Variants in FMN1 observed in about 807,000 individuals in gnomAD.
FMN1 encodes formin-1.
A neutral mutation model predicts 132.4 loss-of-function variants in FMN1; 110 were observed. The observed-to-expected ratio is 0.83, with a 90% CI of 0.71 to 0.97. The LOEUF (loss-of-function observed/expected upper bound fraction) is 0.97, where lower values mean the gene tolerates loss of function less well. Ranked by LOEUF, FMN1 falls within the 50% of genes least tolerant of loss-of-function variation. The pLI, the probability that FMN1 is intolerant of heterozygous loss-of-function variation, is 0.00. For missense variants in FMN1, 1,792 were observed against 1,705.3 expected (o/e 1.05, Z -0.90); for synonymous variants, 722 against 651.7 (o/e 1.11, Z -1.64).
chr15:33,124,649 T>C (rs770886665), intron 4 of FMN1, among the ~76,000 whole-genome samples: 8 of 152,168 alleles, frequency 5.3e-5, no homozygotes, highest in Admixed American at 2.0e-4. Context: ...ATAATCTGTG[T>C]TCTTTTCAAT....
chr15:33,184,246 G>A (rs1237677972), intron 2 of FMN1, among the ~76,000 whole-genome samples: 1 of 152,104 alleles, frequency 6.6e-6, no homozygotes, highest in Non-Finnish European at 1.5e-5. Context: ...TAGTATTTGA[G>A]ATTTTTAAAA....
intron 9 of FMN1, among the ~76,000 whole-genome samples, chr15:32,933,242 G>A (rs957958697): frequency 3.3e-5 from 5 of 152,076 alleles, no homozygotes; most frequent in Non-Finnish European, 7.4e-5. Flanking sequence ...CCCACTGGTT[G>A]TTCAAAAGTG....
intron 19 of FMN1, among the ~76,000 whole-genome samples, chr15:32,781,378 T>A (rs181771309): frequency 2.0e-5 from 3 of 152,190 alleles, no homozygotes; most frequent in Admixed American, 1.3e-4. Context: ...CATTTAGTAA[T>A]CCCATCTCCC....
intron 3 of FMN1, among the ~76,000 whole-genome samples, chr15:33,161,853 G>T (rs1490542419): frequency 1.3e-5 from 2 of 151,744 alleles, no homozygotes; most frequent in African/African-American, 4.8e-5. Context: ...GGGAGGTGGA[G>T]CTTGCAATGA....
intron 17 of FMN1, among the ~76,000 whole-genome samples, chr15:32,838,923 G>C (rs2058686643): frequency 6.6e-6 from 1 of 152,192 alleles, no homozygotes; most frequent in African/African-American, 2.4e-5. Flanking sequence ...TAGTCCAAAA[G>C]ATGAGTGATG....
At chr15:32,957,668 C>A (rs553111784) in intron 9 of FMN1, among the ~76,000 whole-genome samples, 65 of 152,192 alleles carry the variant, frequency 4.3e-4, no homozygotes, top group Non-Finnish European at 7.8e-4. Context: ...TTAAGAATTT[C>A]TTTCCAAAGC....
At chr15:33,014,372 A>G (rs1239140177) in intron 6 of FMN1, among the ~76,000 whole-genome samples, 1 of 152,190 alleles carries the variant, frequency 6.6e-6, no homozygotes, top group African/African-American at 2.4e-5. Flanking sequence ...GTATTTGTTA[A>G]AAAGAGAACT....
chr15:33,068,944 G>A (rs184957850), intron 5 of FMN1, among the ~76,000 whole-genome samples: 5 of 152,274 alleles, frequency 3.3e-5, no homozygotes, highest in Admixed American at 3.3e-4. Flanking sequence ...TAGAAATCCT[G>A]GCAGCAGCAG....
rs74866279 is a variant in FMN1, at chr15:33,037,199, C to T, written c.2161+27758G>A. On this transcript the variant is annotated intron_variant, in intron 6 of 20. Coordinates refer to ENST00000616417, the MANE Select transcript of FMN1 (RefSeq NM_001277313.2). Reference sequence around the variant, plus strand: ...GGCCAGTCCCAGAGTTTGAGATGATCTGCTAGGACCTCAGACAAACACACT... The same window carrying T: ...GGCCAGTCCCAGAGTTTGAGATGATTTGCTAGGACCTCAGACAAACACACT... Among the ~76,000 whole-genome samples, 251 of 152,328 alleles carry T rather than the reference C, an allele frequency of 1.6e-3. 2 individuals carry two copies. The highest frequency in any genetic ancestry group is 0.013 in the East Asian group (67 of 5,188).
At chr15:32,812,170 C>G (rs1392445204) in intron 17 of FMN1, among the ~76,000 whole-genome samples, 1 of 152,178 alleles carries the variant, frequency 6.6e-6, no homozygotes. Flanking sequence ...TCCCCATATA[C>G]ACATCACCGG....
intron 16 of FMN1, among the ~76,000 whole-genome samples, chr15:32,859,415 C>T (rs16960051): frequency 0.021 from 3,263 of 152,252 alleles, 117 homozygotes; most frequent in African/African-American, 0.075. Context: ...TTTCCAGTTA[C>T]ATTATTCGGC....
At chr15:33,125,273 T>C (rs576850383) in intron 4 of FMN1, among the ~76,000 whole-genome samples, 5 of 152,182 alleles carry the variant, frequency 3.3e-5, no homozygotes, top group Non-Finnish European at 7.3e-5. Context: ...TTGTAAAGTT[T>C]AGAGATAATA....
chr15:32,807,241 A>T (rs2057714080), intron 17 of FMN1, among the ~76,000 whole-genome samples: 1 of 152,170 alleles, frequency 6.6e-6, no homozygotes, highest in Non-Finnish European at 1.5e-5. Flanking sequence ...AGTAAAACTT[A>T]TTTTGTTTTA....
At chr15:32,817,792 G>A (rs112717228) in intron 17 of FMN1, among the ~76,000 whole-genome samples, 4 of 152,316 alleles carry the variant, frequency 2.6e-5, no homozygotes, top group African/African-American at 9.6e-5. Context: ...AGAATTCCAG[G>A]TGGAATCCTC....
At position 32,968,902 on chromosome 15, in the gene FMN1, G is replaced by T; in HGVS notation, c.2799C>A (p.Ser933=). 1 of 716,768 alleles carries T rather than the reference G, an allele frequency of 1.4e-6. No individual in the cohort carries two copies. The highest frequency in any genetic ancestry group is 2.8e-5 in the East Asian group (1 of 35,830). The allele number at this position is 716,768 out of a possible 1,614,324, so 44.4% of individuals were successfully genotyped here. ...GCCCTCCAGGGTTGGGTGGGGCAGG[G>T]GAGTTAGGAAGTGGGGGTGGGGGTG... is the stretch of plus-strand genomic sequence containing the variant. ...PPPPPPPLPN[S]PAPPNPGGPP... is the part of the protein sequence containing the mutation. Residue 933 remains serine, a synonymous_variant, in exon 8 of 21, where the codon TCC becomes TCA. Coordinates refer to ENST00000616417, the MANE Select transcript of FMN1 (RefSeq NM_001277313.2).
chr15:33,108,510 C>T (rs1488243444), intron 4 of FMN1, among the ~76,000 whole-genome samples: 1 of 151,132 alleles, frequency 6.6e-6, no homozygotes, highest in Non-Finnish European at 1.5e-5. Context: ...TAACATAATT[C>T]TCTAACTCTG....
At chr15:32,871,744 C>T (rs2059521508) in intron 16 of FMN1, among the ~76,000 whole-genome samples, 1 of 152,140 alleles carries the variant, frequency 6.6e-6, no homozygotes, top group Non-Finnish European at 1.5e-5. Context: ...GGTTGTACCA[C>T]AATGGGAGAG....
intron 9 of FMN1, among the ~76,000 whole-genome samples, chr15:32,947,492 G>A (rs1267101908): frequency 1.3e-5 from 2 of 151,862 alleles, no homozygotes; most frequent in African/African-American, 2.4e-5. Context: ...CTTTTTTGGA[G>A]TTGTTTTTTG....
At chr15:33,075,558 A>G (rs1392408692) in intron 5 of FMN1, among the ~76,000 whole-genome samples, 1 of 152,172 alleles carries the variant, frequency 6.6e-6, no homozygotes, top group African/African-American at 2.4e-5. Flanking sequence ...GTCACTTGAG[A>G]AGAGAATAAA....
Sources: allele counts gnomAD v4.1 joint callset (sites outside exome capture counted in the v4.1 genomes callset), GRCh38; gene constraint gnomAD v4.1.1; transcripts MANE v1.5; gene names NCBI Gene and HGNC (gene_info 2026-07-23, HGNC 2026-07-21).